The following TBC1D15 variants were observed in gnomAD, a reference collection of about 807,000 sequenced individuals.
TBC1D15 encodes the protein GAP for RAB7.
In TBC1D15, 39 loss-of-function variants were observed where a neutral mutation model predicts 95.4. The ratio of observed to expected loss-of-function variants is 0.41; its 90% confidence interval spans 0.32 to 0.53. The LOEUF is 0.53. Among genes scored for constraint, TBC1D15 ranks in the 20% least tolerant of loss-of-function variants. The probability of loss-of-function intolerance (pLI) is 0.29; values close to 1 mark genes in which losing one functional copy is unlikely to be tolerated. For synonymous variants in TBC1D15, 258 were observed against 261.3 expected (o/e 0.99, Z 0.12); for missense variants, 733 against 794.3 (o/e 0.92, Z 0.93).
At chr12:71,915,592 T>TAC (rs1903523469) in intron 12 of TBC1D15, among the ~76,000 whole-genome samples, 1 of 152,096 alleles carries the variant, frequency 6.6e-6, no homozygotes, top group African/African-American at 2.4e-5. Flanking sequence ...CAGACGTGTG[T>TAC]ATATAGGTCT....
rs193254733 is a variant in TBC1D15 at position 71,840,326 on chromosome 12, C to T, written c.30+515C>T. Among the ~76,000 whole-genome samples, 5 of 152,290 alleles carry T rather than the reference C, an allele frequency of 3.3e-5. No homozygotes were observed. In the East Asian group the frequency reaches 9.6e-4, roughly 29 times the overall value. On this transcript the variant is annotated intron_variant, in intron 1 of 16. Coordinates refer to ENST00000485960, the MANE Select transcript of TBC1D15 (RefSeq NM_001146213.3). The stretch of plus-strand genomic sequence containing the variant: ...ACGAGTGTATTGGGTCTGTTTTTAC[C>T]AAGCTGCTGAGTTGGTTGGTGGTTG...
Position 71,914,259 on chromosome 12 carries a change from C to T in TBC1D15, c.1401+333C>T, listed in dbSNP as rs562600853. ...TTGTGGAATAGTTGAACTTTAATATCATCTGTTTCAGAGATAAAGCTTAGT... is the reference window on the plus strand; with the variant it reads ...TTGTGGAATAGTTGAACTTTAATATTATCTGTTTCAGAGATAAAGCTTAGT... On this transcript the variant is annotated intron_variant, in intron 12 of 16. Transcript: ENST00000485960. Among the ~76,000 whole-genome samples, 8 of 151,944 alleles carry T rather than the reference C, an allele frequency of 5.3e-5. No homozygotes were observed. In the East Asian group the frequency reaches 1.4e-3, roughly 26 times the overall value.
rs1223155726 is a variant in TBC1D15 at position 71,872,945 on chromosome 12, T to C, written c.146T>C (p.Val49Ala). ...RVLEKDAEVI[V>A]DWRPLDDALD... ...TTTCTCTAGGATGCCGAAGTAATAG[T>C]GGACTGGAGACCATTGGATGATGCA... is the stretch of plus-strand genomic sequence containing the variant. Residue 49 changes from valine (V) to alanine (A), a missense_variant, in exon 3 of 17, where the codon GTG (valine) becomes GCG (alanine). By Grantham distance (64) the Val-to-Ala change is moderately conservative. Coordinates refer to ENST00000485960, the MANE Select transcript of TBC1D15 (RefSeq NM_001146213.3). 6 of 1,607,784 alleles carry C rather than the reference T, an allele frequency of 3.7e-6. No individual in the cohort carries two copies. The African/African-American group carries it at 8.0e-5, about 22-fold the overall frequency.
chr12:71,845,357 T>C (rs1241550913), intron 1 of TBC1D15, among the ~76,000 whole-genome samples: 4 of 152,184 alleles, frequency 2.6e-5, no homozygotes, highest in Admixed American at 2.0e-4. Context: ...CAGAATGTTA[T>C]TTTAGTGACT....
At position 71,924,080 on chromosome 12, in the gene TBC1D15, T is replaced by G. The variant is rs1566093747; in HGVS notation, c.*876T>G. ...TTATCTTTCCTAATAATGCATTAAC[T>G]GATTAATCAGGTGTTTAAATTTTTA... is the stretch of plus-strand genomic sequence containing the variant. On this transcript the variant is annotated 3_prime_UTR_variant, in exon 17 of 17. Transcript: ENST00000485960. 6.6e-6 allele frequency: 1 copy of G among 152,648 alleles called. No individual in the cohort carries two copies. Among genetic ancestry groups the G allele is most frequent in the Non-Finnish European group, 1.5e-5 (1 of 68,028 alleles). The allele number at this position is 152,648 out of a possible 1,614,324, so 9.5% of individuals were successfully genotyped here. A position where few individuals can be genotyped will look rare whatever the true frequency, so the allele number is the denominator to read the frequency against.
At chr12:71,894,119 C>A (rs927438177) in intron 6 of TBC1D15, among the ~76,000 whole-genome samples, 1 of 151,974 alleles carries the variant, frequency 6.6e-6, no homozygotes, top group African/African-American at 2.4e-5. Flanking sequence ...TACCCTGGCA[C>A]TTAACAGTAG....
intron 11 of TBC1D15, among the ~76,000 whole-genome samples, chr12:71,908,936 C>T (rs1901492335): frequency 6.6e-6 from 1 of 152,190 alleles, no homozygotes; most frequent in Non-Finnish European, 1.5e-5. Flanking sequence ...GCTTCAAACT[C>T]TTGCCATTTA....
intron 12 of TBC1D15, among the ~76,000 whole-genome samples, chr12:71,916,626 G>A (rs1191014594): frequency 6.6e-6 from 1 of 152,154 alleles, no homozygotes; most frequent in Non-Finnish European, 1.5e-5. Flanking sequence ...TAAGTGTGAA[G>A]GAGGAAATGT....
chr12:71,853,655 T>C (rs1249726412), intron 1 of TBC1D15, among the ~76,000 whole-genome samples: 4 of 152,220 alleles, frequency 2.6e-5, no homozygotes, highest in Non-Finnish European at 5.9e-5. Context: ...AATTCTCTTT[T>C]TGGGTGCTAG....
chr12:71,874,500 A>G (rs1893358449), intron 3 of TBC1D15, among the ~76,000 whole-genome samples: 1 of 151,934 alleles, frequency 6.6e-6, no homozygotes, highest in African/African-American at 2.4e-5. Context: ...TTTCCTGAAT[A>G]TTTTAGATTC....
intron 3 of TBC1D15, among the ~76,000 whole-genome samples, chr12:71,878,735 T>C (rs1182682612): frequency 6.6e-6 from 1 of 151,682 alleles, no homozygotes; most frequent in East Asian, 1.9e-4. Context: ...CAGGCTTGTC[T>C]CAAACTCCTG....
At chr12:71,908,909 AC>A (rs1264066679) in intron 11 of TBC1D15, among the ~76,000 whole-genome samples, 1 of 152,158 alleles carries the variant, frequency 6.6e-6, no homozygotes, top group African/African-American at 2.4e-5. Context: ...TGGAATTCTT[AC>A]CTCTACACCT....
At chr12:71,906,745 A>G (rs1235100857) in intron 10 of TBC1D15, among the ~76,000 whole-genome samples, 2 of 152,078 alleles carry the variant, frequency 1.3e-5, no homozygotes, top group Non-Finnish European at 2.9e-5. Context: ...TTCATTGAAA[A>G]TGTTTTCCAC....
chr12:71,894,596 T>G, intron 6 of TBC1D15, 90 bp from the exon 7 acceptor site: 1 of 1,243,736 alleles, frequency 8.0e-7, no homozygotes, highest in Non-Finnish European at 1.1e-6. Context: ...TTCTTTTCTT[T>G]TAAAAAGCTT....
intron 1 of TBC1D15, among the ~76,000 whole-genome samples, chr12:71,868,597 C>A (rs1415112774): frequency 6.6e-6 from 1 of 152,066 alleles, no homozygotes; most frequent in Non-Finnish European, 1.5e-5. Flanking sequence ...ATTATTTCCC[C>A]AGCTAAACTA....
At chr12:71,863,672 A>G (rs1172358821) in intron 1 of TBC1D15, among the ~76,000 whole-genome samples, 1 of 152,162 alleles carries the variant, frequency 6.6e-6, no homozygotes, top group Non-Finnish European at 1.5e-5. Flanking sequence ...AAATAGGAAT[A>G]TATGCTTGCT....
intron 11 of TBC1D15, among the ~76,000 whole-genome samples, chr12:71,908,354 T>TTTGAC (rs1901322439): frequency 2.6e-5 from 4 of 152,192 alleles, no homozygotes; most frequent in African/African-American, 9.7e-5. Flanking sequence ...ACTAGAAATG[T>TTTGAC]TTGACTTATC....
chr12:71,899,893 A>G (rs1356976912), intron 10 of TBC1D15, among the ~76,000 whole-genome samples: 1 of 152,110 alleles, frequency 6.6e-6, no homozygotes, highest in Non-Finnish European at 1.5e-5. Flanking sequence ...TATGGGGTTG[A>G]GGCCACAGTG....
intron 3 of TBC1D15, among the ~76,000 whole-genome samples, chr12:71,875,843 G>C (rs185024000): frequency 1.3e-5 from 2 of 151,982 alleles, no homozygotes; most frequent in Non-Finnish European, 2.9e-5. Flanking sequence ...TGTCACCCAG[G>C]CTGGAGTACC....
Sources: allele counts gnomAD v4.1 joint callset (sites outside exome capture counted in the v4.1 genomes callset), GRCh38; gene constraint gnomAD v4.1.1; transcripts MANE v1.5; gene names NCBI Gene and HGNC (gene_info 2026-07-23, HGNC 2026-07-21).